CDH13: variants seen among roughly 807,000 people sequenced by gnomAD.
The protein encoded by CDH13 is cadherin-13.
Under a neutral mutation model 63.8 loss-of-function variants are expected in CDH13, and 24 were observed. That is an observed-to-expected ratio of 0.38 (90% CI 0.27 to 0.53). The LOEUF is 0.53. Among genes scored for constraint, CDH13 ranks in the 20% least tolerant of loss-of-function variants. The probability of loss-of-function intolerance (pLI) is 0.85; values close to 1 mark genes in which losing one functional copy is unlikely to be tolerated. For synonymous variants in CDH13, 503 were observed against 355.3 expected (o/e 1.42, Z -4.67); for missense variants, 1,049 against 903.1 (o/e 1.16, Z -2.07).
chr16:83,058,034 C>T (rs552192219), intron 3 of CDH13, among the ~76,000 whole-genome samples: 2 of 152,296 alleles, frequency 1.3e-5, no homozygotes, highest in South Asian at 2.1e-4. Context: ...AGCAACTTTA[C>T]TTTCAAAAGT....
Position 83,469,270 on chromosome 16 carries a change from T to A in CDH13, c.782-17207T>A, listed in dbSNP as rs530089057. Among the ~76,000 whole-genome samples, 5 of 152,316 alleles carry A rather than the reference T, an allele frequency of 3.3e-5. No homozygotes were observed. In the East Asian group the frequency reaches 9.7e-4, roughly 29 times the overall value. On this transcript the variant is annotated intron_variant, in intron 6 of 13. Coordinates refer to ENST00000567109, the MANE Select transcript of CDH13 (RefSeq NM_001257.5). ...AAAATGTTCAGTGTGTCCAGTCTTATAGCAGGAGGAAGAATTTGAAGATGG... is the reference window on the plus strand; with the variant it reads ...AAAATGTTCAGTGTGTCCAGTCTTAAAGCAGGAGGAAGAATTTGAAGATGG...
At chr16:83,302,113 C>G (rs956280808) in intron 5 of CDH13, among the ~76,000 whole-genome samples, 9 of 152,154 alleles carry the variant, frequency 5.9e-5, no homozygotes, top group African/African-American at 2.2e-4. Context: ...TGATGTAACA[C>G]ACAGAGAATG....
intron 2 of CDH13, among the ~76,000 whole-genome samples, chr16:82,896,139 C>T (rs2041248580): frequency 6.6e-6 from 1 of 152,046 alleles, no homozygotes; most frequent in African/African-American, 2.4e-5. Context: ...TACCTGTTTC[C>T]CTGTAGAAGT....
At chr16:82,899,247 G>C (rs2041375490) in intron 2 of CDH13, among the ~76,000 whole-genome samples, 1 of 152,136 alleles carries the variant, frequency 6.6e-6, no homozygotes, top group South Asian at 2.1e-4. Context: ...TTACAGTAAG[G>C]GCAGTGTCAA....
intron 5 of CDH13, among the ~76,000 whole-genome samples, chr16:83,274,316 G>T (rs975696764): frequency 1.3e-5 from 2 of 152,192 alleles, no homozygotes; most frequent in African/African-American, 4.8e-5. Context: ...TTGTGGATCA[G>T]AGACCTCTCA....
intron 6 of CDH13, among the ~76,000 whole-genome samples, chr16:83,395,999 C>T (rs1402408701): frequency 1.3e-5 from 2 of 152,132 alleles, no homozygotes; most frequent in Admixed American, 6.5e-5. Flanking sequence ...TATATGTCCA[C>T]GTGTTCTCAT....
intron 8 of CDH13, among the ~76,000 whole-genome samples, chr16:83,650,691 A>G (rs890885855): frequency 2.4e-4 from 36 of 152,190 alleles, no homozygotes; most frequent in African/African-American, 7.7e-4. Context: ...CCCCCACCCA[A>G]TGAACAATTA....
At chr16:82,758,710 A>G (rs1272792612) in intron 1 of CDH13, among the ~76,000 whole-genome samples, 1 of 152,162 alleles carries the variant, frequency 6.6e-6, no homozygotes, top group Non-Finnish European at 1.5e-5. Context: ...CTTTCTTCTA[A>G]ATGGGCTATG....
rs183038349 is a variant in CDH13, at chr16:83,434,801, A to G, written c.782-51676A>G. Among the ~76,000 whole-genome samples the G allele has an allele frequency of 2.1e-3, 295 of 142,676 alleles. 1 individual carries two copies. Among genetic ancestry groups the G allele is most frequent in the Middle Eastern group, 3.7e-3 (1 of 272 alleles). 93.6% of individuals were successfully genotyped at this position (142,676 alleles called of 152,430 possible). A position where few individuals can be genotyped will look rare whatever the true frequency, so the allele number is the denominator to read the frequency against. On this transcript the variant is annotated intron_variant, in intron 6 of 13. Coordinates refer to ENST00000567109, the MANE Select transcript of CDH13 (RefSeq NM_001257.5). ...CCAATTTCTCTCTTGGACTCTTTCA[A>G]CAGCCTCATACCTGGCATACCTGCA... is the stretch of plus-strand genomic sequence containing the variant.
intron 3 of CDH13, among the ~76,000 whole-genome samples, chr16:83,111,081 A>G (rs1352854418): frequency 6.7e-6 from 1 of 149,840 alleles, no homozygotes; most frequent in African/African-American, 2.5e-5. Flanking sequence ...CTGAGGCAGG[A>G]GAATGGCGTG....
intron 2 of CDH13, among the ~76,000 whole-genome samples, chr16:83,006,135 C>A (rs150917939): frequency 6.6e-6 from 1 of 152,292 alleles, no homozygotes; most frequent in Non-Finnish European, 1.5e-5. Flanking sequence ...TCAAAGCTTT[C>A]TGGTAATTTT....
At chr16:83,169,210 C>A (rs181376698) in intron 4 of CDH13, among the ~76,000 whole-genome samples, 1 of 150,380 alleles carries the variant, frequency 6.6e-6, no homozygotes. Context: ...CGGCATCTCA[C>A]TTTGTCGCCA....
intron 1 of CDH13, among the ~76,000 whole-genome samples, chr16:82,807,898 G>A (rs72805978): frequency 0.11 from 16,690 of 152,212 alleles, 1,566 homozygotes; most frequent in East Asian, 0.57. Flanking sequence ...AATATCTTGG[G>A]TAATTTTCAA....
intron 4 of CDH13, among the ~76,000 whole-genome samples, chr16:83,192,475 A>C (rs1481948708): frequency 6.6e-6 from 1 of 152,164 alleles, no homozygotes; most frequent in Non-Finnish European, 1.5e-5. Context: ...GCAATCTTGC[A>C]TTTGGTGCTT....
At chr16:83,690,531 G>A (rs903082686) in intron 10 of CDH13, among the ~76,000 whole-genome samples, 9 of 152,114 alleles carry the variant, frequency 5.9e-5, no homozygotes, top group East Asian at 1.9e-4. Context: ...CCGATGCTCC[G>A]GAGAAGATGG....
chr16:83,722,182 A>G (rs564822697), intron 10 of CDH13, among the ~76,000 whole-genome samples: 3 of 152,214 alleles, frequency 2.0e-5, no homozygotes, highest in South Asian at 4.1e-4. Context: ...CCTGCTAATT[A>G]TGTGAACCGA....
chr16:82,826,149 C>T (rs1460034084), intron 1 of CDH13: 1 of 152,206 alleles, frequency 6.6e-6, no homozygotes, highest in African/African-American at 2.4e-5. Context: ...GCCACCGCGT[C>T]TGGCCCAACA....
chr16:83,535,916 A>G (rs2075175758), intron 7 of CDH13, among the ~76,000 whole-genome samples: 1 of 144,024 alleles, frequency 6.9e-6, no homozygotes, highest in Non-Finnish European at 1.5e-5. Flanking sequence ...GAAAAAAAGG[A>G]AAGAAGGAAA....
In CDH13 at chr16:83,325,336, C is replaced by G. The variant is rs373470942; in HGVS notation, c.637-19526C>G. On this transcript the variant is annotated intron_variant, in intron 5 of 13. Coordinates refer to ENST00000567109, the MANE Select transcript of CDH13 (RefSeq NM_001257.5). ...AGGAAGAGAAATTAGTTTAAGAGGC[C>G]TCAGGTTGCCACGTTGGGTTTGAAA... 2.0e-5 allele frequency among the ~76,000 whole-genome samples: 3 copies of G among 152,202 alleles called. No homozygotes were observed. The South Asian group carries it at 6.2e-4, about 32-fold the overall frequency.
Sources: allele counts gnomAD v4.1 joint callset (sites outside exome capture counted in the v4.1 genomes callset), GRCh38; gene constraint gnomAD v4.1.1; transcripts MANE v1.5; gene names NCBI Gene and HGNC (gene_info 2026-07-23, HGNC 2026-07-21).